USO1: variants seen among roughly 807,000 people sequenced by gnomAD.
USO1 encodes USO1 vesicle transport factor, also known as general vesicular transport factor p115.
USO1 carries 57 observed loss-of-function variants against 124.5 expected under a neutral mutation model. The ratio of observed to expected loss-of-function variants is 0.46; its 90% confidence interval spans 0.37 to 0.57. USO1 has a LOEUF of 0.57. USO1 is among the 20% of genes least tolerant of loss of function. The pLI, the probability that USO1 is intolerant of heterozygous loss-of-function variation, is 0.00. For synonymous variants in USO1, 369 were observed against 362.8 expected (o/e 1.02, Z -0.19); for missense variants, 900 against 1,040.6 (o/e 0.86, Z 1.86).
intron 8 of USO1, among the ~76,000 whole-genome samples, chr4:75,778,403 T>G (rs1722130633): frequency 6.6e-6 from 1 of 152,232 alleles, no homozygotes; most frequent in South Asian, 2.1e-4. Flanking sequence ...TTCATCCTTG[T>G]CATCTTCATG....
intron 12 of USO1, 108 bp from the exon 13 acceptor site, chr4:75,793,582 A>G (rs1187290223): frequency 7.3e-7 from 1 of 1,366,612 alleles, no homozygotes; most frequent in Non-Finnish European, 9.9e-7. Context: ...TAATGATTAT[A>G]TTTAATGGTA....
chr4:75,751,398 G>A (rs1721294141), intron 1 of USO1, among the ~76,000 whole-genome samples: 1 of 149,298 alleles, frequency 6.7e-6, no homozygotes, highest in Non-Finnish European at 1.5e-5. Flanking sequence ...TTTTAGTAGA[G>A]ACAGGGTTTC....
At chr4:75,741,601 C>CTTTTTTTTTTTTTTTTTTTTTTTT (rs34702586) in intron 1 of USO1, among the ~76,000 whole-genome samples, 1 of 78,856 alleles carries the variant, frequency 1.3e-5, no homozygotes. Context: ...ACTTTTTAAA[C>CTTTTTTTTTTTTTTTTTTTTTTTT]TTTTTTTTTT....
Position 75,782,834 on chromosome 4 carries a change from G to T in USO1, c.831G>T (p.Val277=). 1 of 1,602,770 alleles carries T rather than the reference G, an allele frequency of 6.2e-7. No homozygotes were observed. Among genetic ancestry groups the T allele is most frequent in the Non-Finnish European group, 8.5e-7 (1 of 1,176,852 alleles). ...DENSGWSAQK[V]TNLHLMLQLV... is the part of the protein sequence containing the mutation. ...ATTCTGGCTGGTCTGCACAGAAAGT[G>T]ACCAATCTACATCTAATGCTACAGG... is the stretch of plus-strand genomic sequence containing the variant. Residue 277 remains valine (V), a synonymous_variant, in exon 9 of 24, where the codon GTG becomes GTT. Coordinates refer to ENST00000514213, the MANE Select transcript of USO1 (RefSeq NM_003715.4).
chr4:75,793,504 A>G (rs903458006), intron 12 of USO1, among the ~76,000 whole-genome samples, 186 bp from the exon 13 acceptor site: 5 of 151,966 alleles, frequency 3.3e-5, no homozygotes, highest in African/African-American at 1.2e-4. Context: ...CTCATTGTTC[A>G]TTTTGCTTTG....
At position 75,813,195 on chromosome 4, in the gene USO1, T is replaced by C; in HGVS notation, c.2800-11T>C. 1 of 1,600,068 alleles carries C rather than the reference T, an allele frequency of 6.2e-7. No individual in the cohort carries two copies. On this transcript the variant is annotated splice_polypyrimidine_tract_variant and intron_variant, in intron 23 of 23. Coordinates refer to ENST00000514213, the MANE Select transcript of USO1 (RefSeq NM_003715.4). ...GATTTTCACAATATTAAATACGTCT[T>C]TTTCCTCTAGGTTGAAGAAGAGGAT...
chr4:75,724,670 G>A lies in USO1; in HGVS notation c.-150G>A. The A allele has an allele frequency of 4.1e-6, 3 of 723,754 alleles. No individual in the cohort carries two copies. The highest frequency in any genetic ancestry group is 2.8e-5 in the Admixed American group (1 of 35,506). The allele number at this position is 723,754 out of a possible 1,614,324, so 44.8% of individuals were successfully genotyped here. A position where few individuals can be genotyped will look rare whatever the true frequency, so the allele number is the denominator to read the frequency against. Reference sequence around the variant, plus strand: ...GCTGGCGGCTGTTTCCGGGCTTAGAGGGCTGGAGTGGCCGCCGAGTTGGAG... The same window carrying A: ...GCTGGCGGCTGTTTCCGGGCTTAGAAGGCTGGAGTGGCCGCCGAGTTGGAG... On this transcript the variant is annotated 5_prime_UTR_variant, in exon 1 of 24. Transcript: ENST00000514213.
chr4:75,809,094 G>T, intron 21 of USO1, 43 bp downstream of exon 21: 1 of 1,527,588 alleles, frequency 6.5e-7, no homozygotes. Flanking sequence ...ATAAAGACAA[G>T]GTTGATGTAT....
At chr4:75,813,164 T>G in intron 23 of USO1, 42 bp from the exon 24 acceptor site, 3 of 1,571,670 alleles carry the variant, frequency 1.9e-6, no homozygotes, top group Middle Eastern at 1.7e-4. Flanking sequence ...GAATGTGACA[T>G]GAACAGATTT....
chr4:75,762,353 A>T (rs1312795658), intron 4 of USO1, among the ~76,000 whole-genome samples: 2 of 151,518 alleles, frequency 1.3e-5, no homozygotes, highest in Non-Finnish European at 2.9e-5. Context: ...TAGTAGAGAC[A>T]GGGTTTCACT....
chr4:75,765,453 C>T (rs1324879121), intron 4 of USO1, among the ~76,000 whole-genome samples: 2 of 152,154 alleles, frequency 1.3e-5, no homozygotes, highest in Non-Finnish European at 2.9e-5. Flanking sequence ...ATTTACCATA[C>T]TGTGGGAATC....
chr4:75,794,007 A>C, intron 13 of USO1, 106 bp downstream of exon 13: 1 of 1,453,674 alleles, frequency 6.9e-7, no homozygotes, highest in Non-Finnish European at 9.2e-7. Context: ...GAGAAGACTT[A>C]TTCTGTTTAT....
rs114996491 is a variant in USO1 at position 75,772,533 on chromosome 4, G to A, written c.555+1396G>A. Among the ~76,000 whole-genome samples the A allele has an allele frequency of 7.5e-3, 1,137 of 152,052 alleles. 21 individuals are homozygous for A. The highest frequency in any genetic ancestry group is 0.026 in the African/African-American group (1,094 of 41,486). ...ATTACAGGCGTGAGCCACCGCGCCC[G>A]GCCGAGAAGTACATTTTTTATTCTT... On this transcript the variant is annotated intron_variant, in intron 7 of 23. Transcript: ENST00000514213.
chr4:75,811,250 G>T (rs1215073573), intron 22 of USO1, among the ~76,000 whole-genome samples: 1 of 151,816 alleles, frequency 6.6e-6, no homozygotes, highest in Non-Finnish European at 1.5e-5. Flanking sequence ...CCACCTCCCA[G>T]ATTCAAGCGA....
intron 5 of USO1, 72 bp from the exon 6 acceptor site, chr4:75,770,750 A>G (rs1721904337): frequency 1.3e-6 from 2 of 1,567,088 alleles, no homozygotes; most frequent in Non-Finnish European, 1.7e-6. Flanking sequence ...GGTAAAAGTT[A>G]TTAGTGGAAA....
At chr4:75,751,373 G>A (rs1277073260) in intron 1 of USO1, among the ~76,000 whole-genome samples, 5 of 149,192 alleles carry the variant, frequency 3.4e-5, no homozygotes, top group Non-Finnish European at 7.5e-5. Context: ...CACCATGCCC[G>A]GCTAATTTTA....
intron 12 of USO1, among the ~76,000 whole-genome samples, chr4:75,792,126 G>A (rs1308807573): frequency 4.6e-5 from 7 of 151,448 alleles, no homozygotes; most frequent in Admixed American, 6.6e-5. Context: ...TAAGCCAGGC[G>A]TGGTGGCTTA....
At position 75,787,045 on chromosome 4, in the gene USO1, T is replaced by C; in HGVS notation, c.856-17T>C. 6.4e-7 allele frequency: 1 copy of C among 1,560,564 alleles called. No homozygotes were observed. The highest frequency in any genetic ancestry group is 1.2e-5 in the South Asian group (1 of 81,688). ...AAATCTTTAAAAGACAAATTTTGTT[T>C]TCTCTTTCTTTCACAGCTTGTTCGT... On this transcript the variant is annotated splice_polypyrimidine_tract_variant and intron_variant, in intron 9 of 23. Transcript: ENST00000514213.
chr4:75,737,772 G>C (rs1472100954), intron 1 of USO1, among the ~76,000 whole-genome samples: 1 of 152,000 alleles, frequency 6.6e-6, no homozygotes, highest in African/African-American at 2.4e-5. Flanking sequence ...TTTAAATGCT[G>C]TATGAGTCAA....
Sources: gnomAD v4.1 joint callset for allele counts (sites outside exome capture counted in the v4.1 genomes callset) on GRCh38, gnomAD v4.1.1 for gene constraint, MANE v1.5 for transcripts, NCBI Gene and HGNC (gene_info 2026-07-23, HGNC 2026-07-21) for gene names.